The following NDE1 variants were observed in gnomAD, a reference collection of about 807,000 sequenced individuals.
The protein encoded by NDE1 is nudE neurodevelopment protein 1.
Under a neutral mutation model 43.4 loss-of-function variants are expected in NDE1, and 28 were observed. The observed-to-expected ratio is 0.65, with a 90% CI of 0.48 to 0.89. NDE1 has a LOEUF of 0.89. NDE1 is among the 40% of genes least tolerant of loss of function. The pLI is 0.00. For synonymous variants in NDE1, 184 were observed against 172.0 expected (o/e 1.07, Z -0.55); for missense variants, 441 against 434.1 (o/e 1.02, Z -0.14).
At chr16:15,680,826 C>T (rs2038137927) in intron 4 of NDE1, among the ~76,000 whole-genome samples, 3 of 152,188 alleles carry the variant, frequency 2.0e-5, no homozygotes, top group Admixed American at 6.6e-5. Context: ...GCATGAACCA[C>T]TGTGCCTGGC....
chr16:15,719,494 A>C (rs2040351229), intron 8 of NDE1: 1 of 1,594,122 alleles, frequency 6.3e-7, no homozygotes, highest in Non-Finnish European at 8.6e-7. Flanking sequence ...AGGAGGACGA[A>C]ATGAAATCTG....
intron 8 of NDE1, chr16:15,714,212 G>C (rs2039985597): frequency 6.5e-6 from 1 of 153,704 alleles, no homozygotes; most frequent in South Asian, 2.0e-4. Context: ...GGAGCAGGGG[G>C]GACCCCCAAG....
intron 3 of NDE1, 73 bp downstream of exon 3, chr16:15,667,512 G>A: frequency 1.9e-6 from 3 of 1,573,048 alleles, no homozygotes; most frequent in Non-Finnish European, 2.6e-6. Context: ...TTGGCTGGAA[G>A]AAGGAACCCT....
chr16:15,667,716 C>T (rs2037389006), intron 3 of NDE1, among the ~76,000 whole-genome samples: 1 of 149,280 alleles, frequency 6.7e-6, no homozygotes, highest in Admixed American at 6.7e-5. Context: ...ACTGCAACCT[C>T]CACCTCCCAG....
In NDE1 at chr16:15,705,518, G is replaced by A. The variant is rs114610715; in HGVS notation, c.947+8658G>A. Among the ~76,000 whole-genome samples, 463 of 152,262 alleles carry A rather than the reference G, an allele frequency of 3.0e-3. 1 individual carries two copies. Among genetic ancestry groups the A allele is most frequent in the African/African-American group, 0.011 (449 of 41,546 alleles). On this transcript the variant is annotated intron_variant, in intron 8 of 8. Coordinates refer to ENST00000396354, the MANE Select transcript of NDE1 (RefSeq NM_017668.3). ...AAACACTTAACTCTTTTCAGCAACC[G>A]CAACAAATAATTATGTTGGGCTCTG...
At chr16:15,708,166 T>C (rs903117038) in intron 8 of NDE1, among the ~76,000 whole-genome samples, 1 of 152,092 alleles carries the variant, frequency 6.6e-6, no homozygotes, top group African/African-American at 2.4e-5. Context: ...GTGCTGAAAA[T>C]GCAGTTTGTA....
chr16:15,724,002 TCCATGGTCGC>T (rs2040616814), intron 8 of NDE1, among the ~76,000 whole-genome samples, 179 bp from the exon 9 acceptor site: 2 of 152,118 alleles, frequency 1.3e-5, no homozygotes, highest in South Asian at 4.1e-4. Context: ...GCGTTAATGC[TCCATGGTCGC>T]CCAAGACAAG....
rs1281222507 is a variant in NDE1, at chr16:15,724,281, A to G, written c.*30A>G. On this transcript the variant is annotated 3_prime_UTR_variant, in exon 9 of 9. Transcript: ENST00000396354. ...TGTTCTTGGTCTTTTCCAGTTTATCATAAGCGGCCGCCTTCTCCTCGTACT... is the reference window on the plus strand; with the variant it reads ...TGTTCTTGGTCTTTTCCAGTTTATCGTAAGCGGCCGCCTTCTCCTCGTACT... 1.2e-6 allele frequency: 2 copies of G among 1,614,162 alleles called. No individual in the cohort carries two copies. Among genetic ancestry groups the G allele is most frequent in the Admixed American group, 1.7e-5 (1 of 60,002 alleles).
Position 15,721,551 on chromosome 16 carries a change from G to A in NDE1, c.948-2640G>A. The A allele has an allele frequency of 6.2e-7, 1 of 1,614,182 alleles. No individual in the cohort carries two copies. The highest frequency in any genetic ancestry group is 1.3e-5 in the African/African-American group (1 of 75,052). The stretch of plus-strand genomic sequence containing the variant: ...GGGCCCGAGCCAGGGACAGGGCCTT[G>A]GTTTCCTTCTCCCTGGCTTCTGCCT... On this transcript the variant is annotated intron_variant, in intron 8 of 8. Coordinates refer to ENST00000396354, the MANE Select transcript of NDE1 (RefSeq NM_017668.3).
At chr16:15,702,519 G>C (rs2039253855) in intron 8 of NDE1, among the ~76,000 whole-genome samples, 1 of 151,910 alleles carries the variant, frequency 6.6e-6, no homozygotes, top group Admixed American at 6.6e-5. Context: ...CCTTCCAAGA[G>C]GTTGGGAGTA....
At chr16:15,694,987 A>G (rs2038940898) in intron 7 of NDE1, 1 of 852,858 alleles carries the variant, frequency 1.2e-6, no homozygotes, top group African/African-American at 1.8e-5. Context: ...CCCGGGCAAC[A>G]TGGTGAAACC....
chr16:15,694,199 A>T lies in NDE1; in HGVS notation c.738A>T (p.Thr246=). The T allele has an allele frequency of 6.2e-7, 1 of 1,613,148 alleles. No homozygotes were observed. The highest frequency in any genetic ancestry group is 8.5e-7 in the Non-Finnish European group (1 of 1,180,004). The change falls in exon 7 of 9, where the codon ACA becomes ACT. Residue 246 remains threonine (T), a synonymous_variant. Transcript: ENST00000396354. ...ACTCCACCGGGGGGACCCCCCTCAC[A>T]CCTGCGGCCCGGATATCAGCCCTCA... ...LDDSTGGTPL[T]PAARISALNI...
At chr16:15,666,555 C>T (rs1292777937) in intron 2 of NDE1, among the ~76,000 whole-genome samples, 4 of 152,050 alleles carry the variant, frequency 2.6e-5, no homozygotes, top group Admixed American at 1.3e-4. Flanking sequence ...GCTGCAGTGA[C>T]GCATGATCAC....
In NDE1 at chr16:15,667,283, T is replaced by C. The variant is rs1205668835; in HGVS notation, c.84-3T>C. On this transcript the variant is annotated splice_polypyrimidine_tract_variant and splice_region_variant and intron_variant, in intron 2 of 8. Coordinates refer to ENST00000396354, the MANE Select transcript of NDE1 (RefSeq NM_017668.3). ...TACGTGATGATTAACAATTTTGCTG[T>C]AGGGCAGAAAATACGCAAGAGGAAC... The C allele has an allele frequency of 6.2e-7, 1 of 1,613,924 alleles. No individual in the cohort carries two copies. Among genetic ancestry groups the C allele is most frequent in the Non-Finnish European group, 8.5e-7 (1 of 1,180,002 alleles).
At chr16:15,718,282 G>T (rs748554033) in intron 8 of NDE1, 12 of 1,606,188 alleles carry the variant, frequency 7.5e-6, no homozygotes, top group Non-Finnish European at 1.0e-5. Context: ...GAGACAGTAG[G>T]CAGCGTGACT....
intron 3 of NDE1, among the ~76,000 whole-genome samples, chr16:15,675,761 G>C (rs922515095): frequency 2.6e-5 from 4 of 152,160 alleles, no homozygotes; most frequent in Non-Finnish European, 5.9e-5. Flanking sequence ...TTTGGAAGCA[G>C]AGCCGGAACA....
rs76890940 is a variant in NDE1 at position 15,721,494 on chromosome 16, G to A, written c.948-2697G>A. ...CTTTGAGCATTTTGTTGGTCCGCTC[G>A]AGTTCCTCTTTGGCTTCCAAGGCCT... On this transcript the variant is annotated intron_variant, in intron 8 of 8. Transcript: ENST00000396354. 1.2e-3 allele frequency: 1,977 copies of A among 1,614,198 alleles called. 25 individuals are homozygous for A. In the East Asian group the frequency reaches 0.03, roughly 24 times the overall value.
chr16:15,719,134 A>G, intron 8 of NDE1: 1 of 1,399,982 alleles, frequency 7.1e-7, no homozygotes, highest in Admixed American at 1.8e-5. Flanking sequence ...TCTCGAAAAA[A>G]TTTAAAAAAT....
intron 4 of NDE1, among the ~76,000 whole-genome samples, chr16:15,681,779 C>T (rs1251857599): frequency 1.3e-5 from 2 of 152,100 alleles, no homozygotes. Context: ...GGTGCAGGAT[C>T]TCGGCTAACT....
Sources: allele counts gnomAD v4.1 joint callset (sites outside exome capture counted in the v4.1 genomes callset), GRCh38; gene constraint gnomAD v4.1.1; transcripts MANE v1.5; gene names NCBI Gene and HGNC (gene_info 2026-07-23, HGNC 2026-07-21).